Variants in KLF7 observed in about 807,000 individuals in gnomAD.
The protein encoded by KLF7 is KLF transcription factor 7.
KLF7 carries 2 observed loss-of-function variants against 27.3 expected under a neutral mutation model. The observed-to-expected ratio is 0.07, with a 90% CI of 0.03 to 0.23. The LOEUF (loss-of-function observed/expected upper bound fraction) is 0.23. Ranked by LOEUF, KLF7 falls within the 10% of genes least tolerant of loss-of-function variation. The pLI is 1.00. For missense variants in KLF7, 221 were observed against 394.1 expected, an observed-to-expected ratio of 0.56 and a Z score of 3.72; for synonymous variants, 165 against 162.4, an observed-to-expected ratio of 1.02 and a Z score of -0.12.
chr2:207,092,739 C>T (rs1263114670), intron 2 of KLF7, among the ~76,000 whole-genome samples: 1 of 152,194 alleles, frequency 6.6e-6, no homozygotes, highest in East Asian at 1.9e-4. Context: ...TCAAAAAACA[C>T]TGCCATAAAT....
chr2:207,112,755 C>T (rs1263626), intron 2 of KLF7, among the ~76,000 whole-genome samples: 122,832 of 152,230 alleles, frequency 0.81, 50,217 homozygotes, highest in African/African-American at 0.9. Flanking sequence ...AATGATGAAA[C>T]GGAAACTTCT....
At chr2:207,101,644 A>T (rs1439085882) in intron 2 of KLF7, among the ~76,000 whole-genome samples, 4 of 152,156 alleles carry the variant, frequency 2.6e-5, no homozygotes, top group Non-Finnish European at 5.9e-5. Flanking sequence ...TATCCCCTCA[A>T]GAGACTGACT....
intron 2 of KLF7, among the ~76,000 whole-genome samples, chr2:207,118,192 T>A (rs1170203170): frequency 6.6e-6 from 1 of 152,204 alleles, no homozygotes; most frequent in African/African-American, 2.4e-5. Flanking sequence ...CCTTTCTTAT[T>A]TGATAGGGAC....
chr2:207,149,366 G>A (rs1440885443), intron 1 of KLF7, among the ~76,000 whole-genome samples: 1 of 152,190 alleles, frequency 6.6e-6, no homozygotes, highest in Non-Finnish European at 1.5e-5. Flanking sequence ...AGAGAAAGGG[G>A]CCTCCTGGGC....
At chr2:207,118,661 C>T (rs1268657718) in intron 2 of KLF7, among the ~76,000 whole-genome samples, 1 of 152,140 alleles carries the variant, frequency 6.6e-6, no homozygotes, top group Non-Finnish European at 1.5e-5. Context: ...CTCTGGGTCT[C>T]ATTTTCCTCA....
intron 1 of KLF7, among the ~76,000 whole-genome samples, chr2:207,140,145 C>G (rs1374678130): frequency 6.6e-6 from 1 of 152,112 alleles, no homozygotes; most frequent in African/African-American, 2.4e-5. Context: ...CCTCGGCCTC[C>G]CAAAGTGCTG....
At chr2:207,156,364 A>C (rs1158771156) in intron 1 of KLF7, among the ~76,000 whole-genome samples, 1 of 152,188 alleles carries the variant, frequency 6.6e-6, no homozygotes, top group Non-Finnish European at 1.5e-5. Context: ...TCTTACTAGA[A>C]AGATGGATCC....
upstream of KLF7, among the ~76,000 whole-genome samples, chr2:207,171,901 AC>A (rs1196267224): frequency 6.6e-6 from 1 of 152,198 alleles, no homozygotes; most frequent in East Asian, 1.9e-4. Context: ...CCTGTATTTA[AC>A]AATATTTACG....
Position 207,165,657 on chromosome 2 carries a change from C to G in KLF7, c.-89G>C. On this transcript the variant is annotated 5_prime_UTR_variant, in exon 1 of 4. Coordinates refer to ENST00000309446, the MANE Select transcript of KLF7 (RefSeq NM_003709.4). ...TTGTCAGTCTGTCTGGCTCACCCCC[C>G]AAGAAGGCAGACATCCAGTGGCCCT... 1.9e-6 allele frequency: 3 copies of G among 1,586,704 alleles called. No individual in the cohort carries two copies. The highest frequency in any genetic ancestry group is 2.6e-6 in the Non-Finnish European group (3 of 1,166,824).
chr2:207,084,629 T>C (rs2076346255), intron 3 of KLF7, among the ~76,000 whole-genome samples: 1 of 152,200 alleles, frequency 6.6e-6, no homozygotes, highest in South Asian at 2.1e-4. Flanking sequence ...TACTTAGTCA[T>C]GATTAACTTA....
At chr2:207,133,104 C>G (rs1476156759) in intron 1 of KLF7, among the ~76,000 whole-genome samples, 1 of 152,206 alleles carries the variant, frequency 6.6e-6, no homozygotes, top group Non-Finnish European at 1.5e-5. Context: ...TTATGCAGAG[C>G]TGGGGCCTAG....
At chr2:207,082,886 C>G (rs34433017) in intron 3 of KLF7, among the ~76,000 whole-genome samples, 38,145 of 152,140 alleles carry the variant, frequency 0.25, 5,283 homozygotes, top group Middle Eastern at 0.31. Flanking sequence ...CTCCACACCC[C>G]CTGTTTGTGT....
Position 207,080,114 on chromosome 2 carries a change from C to CA in KLF7, c.*1098dup, listed in dbSNP as rs1378014018. 6.6e-5 allele frequency: 10 copies of CA among 152,204 alleles called. No individual in the cohort carries two copies. The highest frequency in any genetic ancestry group is 2.2e-4 in the African/African-American group (9 of 41,432). The allele number at this position is 152,204 out of a possible 1,614,324, so 9.4% of individuals were successfully genotyped here. A position where few individuals can be genotyped will look rare whatever the true frequency, so the allele number is the denominator to read the frequency against. ...AATGACACACAGCACAACGGTTGAT[C>CA]ACTATGAGCTGAGGTCATCATGCCT... On this transcript the variant is annotated 3_prime_UTR_variant, in exon 4 of 4. Coordinates refer to ENST00000309446, the MANE Select transcript of KLF7 (RefSeq NM_003709.4).
At chr2:207,104,376 AC>A (rs1454372819) in intron 2 of KLF7, among the ~76,000 whole-genome samples, 1 of 152,218 alleles carries the variant, frequency 6.6e-6, no homozygotes, top group Non-Finnish European at 1.5e-5. Flanking sequence ...ACGTAAACAA[AC>A]TAGACAATAC....
intron 1 of KLF7, among the ~76,000 whole-genome samples, chr2:207,137,147 C>A (rs573936862): frequency 1.3e-5 from 2 of 151,846 alleles, no homozygotes; most frequent in Non-Finnish European, 2.9e-5. Context: ...ATCAAAGAGA[C>A]AGGCTCAGCC....
intron 1 of KLF7, among the ~76,000 whole-genome samples, chr2:207,137,635 T>C (rs2077825331): frequency 6.6e-6 from 1 of 152,092 alleles, no homozygotes; most frequent in South Asian, 2.1e-4. Context: ...AGGATGGAAA[T>C]ATGGAATATA....
intron 1 of KLF7, among the ~76,000 whole-genome samples, chr2:207,125,783 G>A (rs1425768913): frequency 6.6e-6 from 1 of 152,192 alleles, no homozygotes; most frequent in Admixed American, 6.5e-5. Flanking sequence ...AAGTGTTCAT[G>A]CAACTACTGT....
the KLF7 span, among the ~76,000 whole-genome samples, chr2:207,172,499 G>T: frequency 6.6e-6 from 1 of 152,098 alleles, no homozygotes; most frequent in African/African-American, 2.4e-5. Context: ...ACTGTCTTTT[G>T]TTATAGGAGT....
chr2:207,157,219 T>TAAAAAAAAAAAAA (rs5838052), intron 1 of KLF7, among the ~76,000 whole-genome samples: 2 of 87,314 alleles, frequency 2.3e-5, no homozygotes, highest in Non-Finnish European at 4.5e-5. Flanking sequence ...AACAGAAAAG[T>TAAAAAAAAAAAAA]AAAAAAAAAA....
Sources: allele counts gnomAD v4.1 joint callset (sites outside exome capture counted in the v4.1 genomes callset), GRCh38; gene constraint gnomAD v4.1.1; transcripts MANE v1.5; gene names NCBI Gene and HGNC (gene_info 2026-07-23, HGNC 2026-07-21).